The following UBAC2 variants were observed in gnomAD, a reference collection of about 807,000 sequenced individuals.
UBAC2 encodes UBA domain containing 2, also known as ubiquitin-associated domain-containing protein 2.
Under a neutral mutation model 44.0 loss-of-function variants are expected in UBAC2, and 26 were observed. The ratio of observed to expected loss-of-function variants is 0.59; its 90% CI spans 0.43 to 0.82. UBAC2 has a LOEUF of 0.82. Ranked by LOEUF, UBAC2 falls within the 40% of genes least tolerant of loss-of-function variation. The pLI, the probability that UBAC2 is intolerant of heterozygous loss-of-function variation, is 0.00. For synonymous variants in UBAC2, 155 were observed against 154.3 expected (o/e 1.00, Z -0.04); for missense variants, 329 against 419.4 (o/e 0.78, Z 1.88).
At chr13:99,296,920 A>G (rs1489024791) in intron 4 of UBAC2, among the ~76,000 whole-genome samples, 1 of 152,136 alleles carries the variant, frequency 6.6e-6, no homozygotes, top group African/African-American at 2.4e-5. Flanking sequence ...TGCAATCTAT[A>G]CTTCTACCTT....
chr13:99,256,710 C>CAAAAA (rs3031409), intron 4 of UBAC2, among the ~76,000 whole-genome samples: 1 of 146,046 alleles, frequency 6.8e-6, no homozygotes, highest in Admixed American at 6.8e-5. Context: ...TTTCCATCAC[C>CAAAAA]AAAAAAAAAA....
intron 4 of UBAC2, among the ~76,000 whole-genome samples, chr13:99,300,616 A>G (rs963617804): frequency 2.6e-5 from 4 of 152,204 alleles, no homozygotes; most frequent in East Asian, 1.9e-4. Context: ...AATTAAGTCC[A>G]TTCTTTCATT....
At chr13:99,335,623 A>G (rs1480974551) in intron 6 of UBAC2, among the ~76,000 whole-genome samples, 1 of 152,186 alleles carries the variant, frequency 6.6e-6, no homozygotes, top group Non-Finnish European at 1.5e-5. Context: ...TGTATTTTTC[A>G]TTCCACTTTA....
chr13:99,211,284 A>G (rs905124132), intron 1 of UBAC2, among the ~76,000 whole-genome samples: 1 of 152,214 alleles, frequency 6.6e-6, no homozygotes, highest in Non-Finnish European at 1.5e-5. Flanking sequence ...TATGTGGAAG[A>G]GCTGAGATTT....
intron 7 of UBAC2, among the ~76,000 whole-genome samples, chr13:99,346,546 C>T (rs150212800): frequency 6.3e-4 from 96 of 152,342 alleles, no homozygotes; most frequent in Middle Eastern, 3.4e-3. Context: ...TATTGTTTCA[C>T]GCAGTCTCAC....
intron 8 of UBAC2, among the ~76,000 whole-genome samples, chr13:99,371,243 C>T (rs1382953790): frequency 6.6e-6 from 1 of 150,912 alleles, no homozygotes; most frequent in Admixed American, 6.6e-5. Flanking sequence ...CAGTTTAAAA[C>T]AGTACTTAAT....
At chr13:99,236,123 T>C (rs2043229714) in intron 1 of UBAC2, among the ~76,000 whole-genome samples, 1 of 152,210 alleles carries the variant, frequency 6.6e-6, no homozygotes, top group Admixed American at 6.5e-5. Context: ...GTTGGAGAAA[T>C]GCTCCAGGAC....
intron 7 of UBAC2, among the ~76,000 whole-genome samples, chr13:99,346,619 A>G (rs2044986523): frequency 6.8e-6 from 1 of 147,020 alleles, no homozygotes. Flanking sequence ...CCTTCACCCC[A>G]CCCCTCCCAC....
intron 4 of UBAC2, among the ~76,000 whole-genome samples, chr13:99,270,456 T>C (rs1282515638): frequency 6.6e-6 from 1 of 152,220 alleles, no homozygotes; most frequent in Non-Finnish European, 1.5e-5. Context: ...GCTTTTGTCT[T>C]CCTAAATAAT....
intron 4 of UBAC2, among the ~76,000 whole-genome samples, chr13:99,277,559 A>G (rs1425434195): frequency 3.3e-5 from 5 of 152,148 alleles, no homozygotes; most frequent in African/African-American, 1.2e-4. Context: ...ATAAAAGGCA[A>G]TATTGGTTTT....
intron 8 of UBAC2, among the ~76,000 whole-genome samples, chr13:99,368,538 A>G (rs1470453517): frequency 6.6e-6 from 1 of 152,224 alleles, no homozygotes; most frequent in Non-Finnish European, 1.5e-5. Flanking sequence ...TTCTAAAATT[A>G]TGCTGTGTGT....
At chr13:99,330,884 T>C (rs1224574796) in intron 6 of UBAC2, among the ~76,000 whole-genome samples, 1 of 152,226 alleles carries the variant, frequency 6.6e-6, no homozygotes, top group Admixed American at 6.5e-5. Context: ...TTTTTATTAA[T>C]TTTTCATTTT....
At chr13:99,303,440 A>G (rs2044284890) in intron 4 of UBAC2, among the ~76,000 whole-genome samples, 1 of 152,224 alleles carries the variant, frequency 6.6e-6, no homozygotes, top group African/African-American at 2.4e-5. Context: ...TTTCACTGGT[A>G]AAAGCCACCT....
At chr13:99,231,892 A>G (rs568004312) in intron 1 of UBAC2, among the ~76,000 whole-genome samples, 78 of 152,332 alleles carry the variant, frequency 5.1e-4, no homozygotes, top group African/African-American at 1.9e-3. Context: ...GAAAGAAGTG[A>G]CATACATGAT....
At chr13:99,377,076 A>C (rs2045490415) in intron 8 of UBAC2, 1 of 152,350 alleles carries the variant, frequency 6.6e-6, no homozygotes, top group South Asian at 2.1e-4. Context: ...TCCTACCAGC[A>C]TTCTCATTTT....
At chr13:99,305,975 A>C (rs567287528) in intron 4 of UBAC2, among the ~76,000 whole-genome samples, 2 of 152,248 alleles carry the variant, frequency 1.3e-5, no homozygotes, top group African/African-American at 4.8e-5. Context: ...GGCTCACTGC[A>C]ACCTCCGCCT....
chr13:99,221,586 T>C (rs2043052454), intron 1 of UBAC2, among the ~76,000 whole-genome samples: 1 of 152,208 alleles, frequency 6.6e-6, no homozygotes, highest in Non-Finnish European at 1.5e-5. Context: ...TGTAAGCTGG[T>C]TTTTTGTTCC....
intron 8 of UBAC2, among the ~76,000 whole-genome samples, chr13:99,371,761 T>A (rs2138906514): frequency 6.6e-6 from 1 of 152,342 alleles, no homozygotes; most frequent in South Asian, 2.1e-4. Flanking sequence ...GAGTTTTTTC[T>A]GCTGTAAACA....
intron 4 of UBAC2, among the ~76,000 whole-genome samples, chr13:99,302,632 G>A (rs2044272888): frequency 6.6e-6 from 1 of 152,166 alleles, no homozygotes; most frequent in Admixed American, 6.5e-5. Context: ...TGACTAAACA[G>A]CCATCATCTG....
Sources: gnomAD v4.1 joint callset for allele counts (sites outside exome capture counted in the v4.1 genomes callset) on GRCh38, gnomAD v4.1.1 for gene constraint, MANE v1.5 for transcripts, NCBI Gene and HGNC (gene_info 2026-07-23, HGNC 2026-07-21) for gene names.